TACC2: variants seen among roughly 807,000 people sequenced by gnomAD.
The protein encoded by TACC2 is transforming acidic coiled-coil containing protein 2.
Under a neutral mutation model 227.3 loss-of-function variants are expected in TACC2, and 137 were observed. The observed-to-expected ratio is 0.60, with a 90% confidence interval of 0.52 to 0.69. The LOEUF is 0.69. Ranked by LOEUF, TACC2 falls within the 30% of genes least tolerant of loss-of-function variation. The pLI is 0.00. For missense variants in TACC2, 3,470 were observed against 3,694.4 expected (o/e 0.94, Z 1.57); for synonymous variants, 1,523 against 1,487.5 (o/e 1.02, Z -0.55).
Position 122,210,948 on chromosome 10 carries a change from A to G in TACC2, c.6523A>G (p.Thr2175Ala), listed in dbSNP as rs1424854899. Residue 2175 changes from threonine to alanine, a missense_variant, in exon 9 of 23, where the codon ACG becomes GCG. Thr to Ala is a moderately conservative substitution (Grantham distance 58). Coordinates refer to ENST00000369005, the MANE Select transcript of TACC2 (RefSeq NM_206862.4). This position sits in a 1 kb window ranked among gnomAD's most constrained non-coding sequence, Gnocchi z 4.6. ...SGENLASETK[T>A]ESAKTEGPSP... is the part of the protein sequence containing the mutation. ...GGAGAATCTAGCATCTGAGACGAAA[A>G]CGGAATCTGCCAAGACGGAAGGTCC... is the stretch of plus-strand genomic sequence containing the variant. 6.2e-7 allele frequency: 1 copy of G among 1,613,836 alleles called. No homozygotes were observed. The highest frequency in any genetic ancestry group is 8.5e-7 in the Non-Finnish European group (1 of 1,179,946).
chr10:122,067,625 G>GC (rs1231610578), intron 3 of TACC2, among the ~76,000 whole-genome samples: 8 of 150,842 alleles, frequency 5.3e-5, no homozygotes, highest in Non-Finnish European at 5.9e-5. Context: ...TCCTGCCTCA[G>GC]CCCCCCAAGT....
chr10:122,211,446 A>G lies in TACC2; in HGVS notation c.7021A>G (p.Lys2341Glu). The change falls in exon 9 of 23, where the codon AAG (lysine) becomes GAG (glutamate). Residue 2341 changes from lysine (K) to glutamate (E), a missense_variant. Physicochemically the swap from Lys to Glu is moderately conservative, Grantham distance 56 (BLOSUM62 1). Coordinates refer to ENST00000369005, the MANE Select transcript of TACC2 (RefSeq NM_206862.4). Reference protein sequence around the residue: ...AKGTYTFDIDKWDDPNFNPFS... With the variant: ...AKGTYTFDIDEWDDPNFNPFS... ...AGGTACTTACACCTTTGATATTGAC[A>G]AGTGGGATGACCCCAATTTTAACCC... is the stretch of plus-strand genomic sequence containing the variant. The G allele has an allele frequency of 1.2e-6, 2 of 1,614,070 alleles. No homozygotes were observed. The highest frequency in any genetic ancestry group is 1.1e-5 in the South Asian group (1 of 91,046).
At chr10:122,184,524 T>G (rs1391408767) in intron 7 of TACC2, among the ~76,000 whole-genome samples, 2 of 152,208 alleles carry the variant, frequency 1.3e-5, no homozygotes, top group African/African-American at 2.4e-5. Flanking sequence ...TGAGCACATC[T>G]GGGGAGACCC....
At chr10:122,014,134 G>C (rs192419487) in intron 1 of TACC2, among the ~76,000 whole-genome samples, 5 of 152,176 alleles carry the variant, frequency 3.3e-5, no homozygotes, top group Admixed American at 1.3e-4. Context: ...TTACTAGGCT[G>C]TACTAACAGA....
intron 7 of TACC2, among the ~76,000 whole-genome samples, chr10:122,187,505 T>G (rs1307194414): frequency 2.0e-5 from 3 of 152,156 alleles, no homozygotes; most frequent in Non-Finnish European, 4.4e-5. Flanking sequence ...TCTTTTTTTT[T>G]TCTGAGACAG....
Position 122,087,381 on chromosome 10 carries a change from G to T in TACC2, c.4881G>T (p.Val1627=). Residue 1627 remains valine (V), a synonymous_variant, in exon 4 of 23, where the codon GTG becomes GTT. Transcript: ENST00000369005. ...CTCACACAGGGGTTCCAGGACATGT[G>T]CCAAGGTCCACGTGTGCCCCTTCTC... ...DFAHTGVPGH[V]PRSTCAPSPQ... The T allele has an allele frequency of 6.2e-7, 1 of 1,614,090 alleles. No individual in the cohort carries two copies. Among genetic ancestry groups the T allele is most frequent in the Non-Finnish European group, 8.5e-7 (1 of 1,180,038 alleles).
chr10:122,047,139 A>G (rs1337022771), intron 2 of TACC2, among the ~76,000 whole-genome samples: 3 of 151,320 alleles, frequency 2.0e-5, no homozygotes, highest in African/African-American at 7.3e-5. Flanking sequence ...AAATACAAAA[A>G]TTAGCCGGGT....
intron 8 of TACC2, among the ~76,000 whole-genome samples, chr10:122,204,189 G>A (rs1185870053): frequency 7.2e-6 from 1 of 139,794 alleles, no homozygotes; most frequent in Non-Finnish European, 1.5e-5. Context: ...GGGAGAGGGG[G>A]AGGGGGAGGG....
chr10:122,110,047 T>C (rs1198745145), intron 5 of TACC2, among the ~76,000 whole-genome samples: 1 of 152,206 alleles, frequency 6.6e-6, no homozygotes, highest in African/African-American at 2.4e-5. Flanking sequence ...ATGGATGCCT[T>C]TAAGATAACT....
chr10:122,238,193 TCTATTA>T (rs1422086083), intron 18 of TACC2, among the ~76,000 whole-genome samples, 156 bp downstream of exon 18: 2 of 152,194 alleles, frequency 1.3e-5, no homozygotes, highest in Non-Finnish European at 2.9e-5. Context: ...GTATTTTTAC[TCTATTA>T]CTATTACTAA....
At chr10:122,094,436 A>G (rs1269907697) in intron 5 of TACC2, among the ~76,000 whole-genome samples, 1 of 151,896 alleles carries the variant, frequency 6.6e-6, no homozygotes, top group African/African-American at 2.4e-5. Flanking sequence ...GCGCCACTAC[A>G]CCTAGCTAAT....
chr10:121,989,348 A>T lies in TACC2; in HGVS notation c.-186A>T, dbSNP rs1952939825. 1 of 152,252 alleles carries T rather than the reference A, an allele frequency of 6.6e-6. No homozygotes were observed. Among genetic ancestry groups the T allele is most frequent in the Non-Finnish European group, 1.5e-5 (1 of 68,060 alleles). The allele number at this position is 152,252 out of a possible 1,614,324, so 9.4% of individuals were successfully genotyped here. A position where few individuals can be genotyped will look rare whatever the true frequency, so the allele number is the denominator to read the frequency against. On this transcript the variant is annotated 5_prime_UTR_variant, in exon 1 of 23. Transcript: ENST00000369005. Reference sequence around the variant, plus strand: ...ATTCCTCTCTAAAACTTTTTTAAAAACTTTCACTCCTGCTCTAAAAGTTAT... The same window carrying T: ...ATTCCTCTCTAAAACTTTTTTAAAATCTTTCACTCCTGCTCTAAAAGTTAT...
chr10:122,100,717 C>T (rs116179058), intron 5 of TACC2, among the ~76,000 whole-genome samples: 2,050 of 152,222 alleles, frequency 0.013, 38 homozygotes, highest in African/African-American at 0.039. Flanking sequence ...TGAGCTATAG[C>T]GCCCGACTGT....
At chr10:122,246,884 A>G (rs1196100804) in intron 19 of TACC2, 1 of 152,382 alleles carries the variant, frequency 6.6e-6, no homozygotes, top group African/African-American at 2.4e-5. Flanking sequence ...TGCTGCTGCA[A>G]AGAGGAAAAT....
intron 9 of TACC2, among the ~76,000 whole-genome samples, chr10:122,214,321 A>G (rs371666923): frequency 6.6e-6 from 1 of 152,374 alleles, no homozygotes; most frequent in South Asian, 2.1e-4. Context: ...AATGGCAAAT[A>G]TTATAAATGC....
chr10:122,076,492 G>A (rs193298059), intron 3 of TACC2, among the ~76,000 whole-genome samples: 200 of 152,274 alleles, frequency 1.3e-3, no homozygotes, highest in African/African-American at 4.4e-3. Flanking sequence ...AAGGCACACC[G>A]GAATGCAACG....
In TACC2 at chr10:122,084,961, T is replaced by C. The variant is rs750776742; in HGVS notation, c.2461T>C (p.Trp821Arg). ...EGWIRGAASE[W>R]PLLSSEKHLQ... ...CTGGATAAGAGGAGCTGCATCCGAG[T>C]GGCCCCTACTATCTTCTGAGAAGCA... Residue 821 changes from tryptophan (W) to arginine (R), a missense_variant, in exon 4 of 23, where the codon TGG (tryptophan) becomes CGG (arginine). Physicochemically the swap from Trp to Arg is moderately radical, Grantham distance 101. Around this residue, in one of 10 missense-constraint regions of TACC2, gnomAD observed 1,924 missense variants for 1,978.3 expected, o/e 0.97. Transcript: ENST00000369005. The C allele has an allele frequency of 4.4e-5, 71 of 1,613,920 alleles. No homozygotes were observed. Among genetic ancestry groups the C allele is most frequent in the Non-Finnish European group, 5.8e-5 (69 of 1,180,018 alleles).
chr10:122,220,079 G>A (rs4442480), intron 11 of TACC2, among the ~76,000 whole-genome samples: 77,596 of 151,358 alleles, frequency 0.51, 20,788 homozygotes, highest in East Asian at 0.87. Flanking sequence ...AACTTGAGCT[G>A]GACATATGAT....
chr10:122,121,444 G>A (rs186117105), intron 5 of TACC2, among the ~76,000 whole-genome samples: 1 of 152,164 alleles, frequency 6.6e-6, no homozygotes, highest in South Asian at 2.1e-4. Context: ...TTGCTGGAGT[G>A]GGGTCAGGCT....
Sources: allele counts gnomAD v4.1 joint callset (sites outside exome capture counted in the v4.1 genomes callset), GRCh38; gene constraint gnomAD v4.1.1; regional missense constraint gnomAD v4.1.1; non-coding constraint Gnocchi (gnomAD v3.1); transcripts MANE v1.5; gene names NCBI Gene and HGNC (gene_info 2026-07-23, HGNC 2026-07-21).